PTPRD: variants seen among roughly 807,000 people sequenced by gnomAD.
PTPRD encodes protein tyrosine phosphatase receptor type D, also known as receptor-type tyrosine-protein phosphatase delta.
In PTPRD, 34 loss-of-function variants were observed where a neutral mutation model predicts 214.5. That is an observed-to-expected ratio of 0.16 (90% CI 0.12 to 0.21). The LOEUF (loss-of-function observed/expected upper bound fraction) is 0.21, where lower values mean the gene tolerates loss of function less well. Ranked by LOEUF, PTPRD falls within the 10% of genes least tolerant of loss-of-function variation. PTPRD has a pLI of 1.00. For missense variants in PTPRD, 2,545 were observed against 2,398.7 expected (o/e 1.06, Z -1.27); for synonymous variants, 1,128 against 845.7 (o/e 1.33, Z -5.79).
chr9:9,217,000 G>T (rs527825374), intron 9 of PTPRD, among the ~76,000 whole-genome samples: 1 of 151,952 alleles, frequency 6.6e-6, no homozygotes, highest in East Asian at 1.9e-4. Context: ...AGAGTAGAGG[G>T]CAAAAAAATT....
At chr9:9,416,380 G>A (rs2077001570) in intron 8 of PTPRD, among the ~76,000 whole-genome samples, 2 of 152,172 alleles carry the variant, frequency 1.3e-5, no homozygotes, top group Admixed American at 6.5e-5. Context: ...CTTAATAGCT[G>A]TGCTCTTTAA....
intron 3 of PTPRD, among the ~76,000 whole-genome samples, chr9:10,194,367 G>T (rs397832889): frequency 0.051 from 1,609 of 31,764 alleles, 15 homozygotes; most frequent in Non-Finnish European, 0.071. Flanking sequence ...GAGAGAGAGA[G>T]AGAGAGAGAG....
rs1462863824 is a variant in PTPRD, at chr9:9,602,986, G to T, written c.-286-28205C>A. On this transcript the variant is annotated intron_variant, in intron 7 of 45. Transcript: ENST00000381196. The stretch of plus-strand genomic sequence containing the variant: ...TGGCTGCTATATTTTGAAAGATTAG[G>T]TTGTGTTACAAAATACACTAGTAAA... Among the ~76,000 whole-genome samples the T allele has an allele frequency of 2.6e-5, 4 of 151,782 alleles. No individual in the cohort carries two copies. The East Asian group carries it at 7.7e-4, about 29-fold the overall frequency.
At chr9:10,125,753 A>T (rs547561420) in intron 3 of PTPRD, among the ~76,000 whole-genome samples, 2 of 151,830 alleles carry the variant, frequency 1.3e-5, no homozygotes, top group East Asian at 3.9e-4. Context: ...AAGTGCTGGG[A>T]TTATAGGCGT....
At chr9:9,507,606 C>T (rs1158004687) in intron 8 of PTPRD, among the ~76,000 whole-genome samples, 1 of 151,308 alleles carries the variant, frequency 6.6e-6, no homozygotes, top group Non-Finnish European at 1.5e-5. Flanking sequence ...TTATATTTTA[C>T]AGGAATTTAT....
At chr9:8,933,723 G>C (rs2098970181) in intron 11 of PTPRD, among the ~76,000 whole-genome samples, 1 of 151,966 alleles carries the variant, frequency 6.6e-6, no homozygotes, top group Non-Finnish European at 1.5e-5. Context: ...AGTCTATTTT[G>C]GGGTTCAAAT....
At chr9:9,514,876 G>A (rs1466575491) in intron 8 of PTPRD, among the ~76,000 whole-genome samples, 1 of 152,004 alleles carries the variant, frequency 6.6e-6, no homozygotes, top group Non-Finnish European at 1.5e-5. Context: ...TCCCTTTGGT[G>A]GTCTCTCATT....
chr9:9,474,805 T>C (rs2094903001), intron 8 of PTPRD, among the ~76,000 whole-genome samples: 1 of 152,168 alleles, frequency 6.6e-6, no homozygotes, highest in Non-Finnish European at 1.5e-5. Context: ...TTTACTGAAT[T>C]AATTTATCAA....
At chr9:9,074,678 T>G (rs1049050141) in intron 10 of PTPRD, among the ~76,000 whole-genome samples, 4 of 152,074 alleles carry the variant, frequency 2.6e-5, no homozygotes, top group African/African-American at 9.7e-5. Context: ...GAAATGTCTA[T>G]TCAGAGCTTT....
chr9:10,031,647 T>TATATACATACACACACACACAC lies in PTPRD; in HGVS notation c.-472+2070_-472+2071insGTGTGTGTGTGTGTATGTATAT. Among the ~76,000 whole-genome samples, 11 of 89,692 alleles carry TATATACATACACACACACACAC rather than the reference T, an allele frequency of 1.2e-4. 1 individual carries two copies. The highest frequency in any genetic ancestry group is 8.1e-4 in the African/African-American group (10 of 12,364). The allele number at this position is 89,692 out of a possible 152,430, so 58.8% of individuals were successfully genotyped here. Reference sequence around the variant, plus strand: ...CTCCATATATATATATATATATATATACACACACACACACACACATACACA... The same window carrying TATATACATACACACACACACAC: ...CTCCATATATATATATATATATATATATATACATACACACACACACACACACACACACACACACACATACACA... On this transcript the variant is annotated intron_variant, in intron 4 of 45. Transcript: ENST00000381196.
chr9:10,312,162 T>A (rs1397744958), intron 3 of PTPRD, among the ~76,000 whole-genome samples: 1 of 152,032 alleles, frequency 6.6e-6, no homozygotes, highest in African/African-American at 2.4e-5. Flanking sequence ...GATGAGAGAA[T>A]CTTTGAATGC....
intron 7 of PTPRD, among the ~76,000 whole-genome samples, chr9:9,616,399 G>A (rs552857174): frequency 3.3e-5 from 5 of 152,078 alleles, no homozygotes; most frequent in South Asian, 2.1e-4. Context: ...GAATCTTATC[G>A]CAACAAAAGT....
intron 3 of PTPRD, among the ~76,000 whole-genome samples, chr9:10,140,980 C>G (rs1048542908): frequency 1.3e-5 from 2 of 151,962 alleles, no homozygotes; most frequent in Non-Finnish European, 2.9e-5. Flanking sequence ...AGCATATAAA[C>G]AGAACCAAAG....
At chr9:10,612,216 A>AAAAAG (rs2081211829) in intron 2 of PTPRD, among the ~76,000 whole-genome samples, 182 bp downstream of exon 2, 1 of 151,120 alleles carries the variant, frequency 6.6e-6, no homozygotes, top group African/African-American at 2.4e-5. Context: ...TCCAAAAAAA[A>AAAAAG]AAAAAAAAGA....
At chr9:9,139,326 A>G (rs926543594) in intron 10 of PTPRD, among the ~76,000 whole-genome samples, 12 of 152,194 alleles carry the variant, frequency 7.9e-5, no homozygotes, top group African/African-American at 2.9e-4. Flanking sequence ...AATGTTGATG[A>G]GGAAAAAAAT....
At chr9:9,379,461 C>G (rs2094884323) in intron 9 of PTPRD, among the ~76,000 whole-genome samples, 2 of 151,836 alleles carry the variant, frequency 1.3e-5, no homozygotes. Context: ...GTGTTCAAGT[C>G]AGGTAATATC....
At chr9:9,919,177 AT>A (rs1015874358) in intron 5 of PTPRD, among the ~76,000 whole-genome samples, 3 of 152,076 alleles carry the variant, frequency 2.0e-5, no homozygotes, top group African/African-American at 7.2e-5. Flanking sequence ...TTTGCTCCTA[AT>A]TTTTTGTTAC....
chr9:10,090,566 A>T (rs1469852833), intron 3 of PTPRD, among the ~76,000 whole-genome samples: 1 of 150,822 alleles, frequency 6.6e-6, no homozygotes, highest in Non-Finnish European at 1.5e-5. Flanking sequence ...AATGTATTTT[A>T]ATGTATTTTA....
chr9:9,578,043 C>T (rs2089529238), intron 7 of PTPRD, among the ~76,000 whole-genome samples: 1 of 38,694 alleles, frequency 2.6e-5, no homozygotes, highest in Non-Finnish European at 4.6e-5. Flanking sequence ...AAGACTCTGT[C>T]TCAAAAAAAA....
Sources: gnomAD v4.1 joint callset for allele counts (sites outside exome capture counted in the v4.1 genomes callset) on GRCh38, gnomAD v4.1.1 for gene constraint, MANE v1.5 for transcripts, NCBI Gene and HGNC (gene_info 2026-07-23, HGNC 2026-07-21) for gene names.